The following AKAP6 variants were observed in gnomAD, a reference collection of about 807,000 sequenced individuals.
The protein encoded by AKAP6 is A-kinase anchor protein 6.
In AKAP6, 58 loss-of-function variants were observed where a neutral mutation model predicts 188.5. The ratio of observed to expected loss-of-function variants is 0.31; its 90% CI spans 0.25 to 0.38. The LOEUF (loss-of-function observed/expected upper bound fraction) is 0.38, where lower values mean the gene tolerates loss of function less well. Among genes scored for constraint, AKAP6 ranks in the 10% least tolerant of loss-of-function variants. The pLI, the probability that AKAP6 is intolerant of heterozygous loss-of-function variation, is 1.00. For synonymous variants in AKAP6, 989 were observed against 998.6 expected (o/e 0.99, Z 0.18); for missense variants, 2,710 against 2,740.0 (o/e 0.99, Z 0.24).
intron 9 of AKAP6, among the ~76,000 whole-genome samples, chr14:32,715,588 A>G (rs1303571627): frequency 2.0e-5 from 3 of 152,012 alleles, no homozygotes; most frequent in Non-Finnish European, 4.4e-5. Context: ...TAACTGGAAT[A>G]GAGATAGATG....
rs200800623 is a variant in AKAP6 at position 32,466,845 on chromosome 14, A to ATTTT, written c.324+33029_324+33032dup. ...AACAAGATTATATATATATATATAT[A>ATTTT]TTTTCTTTCTTAGCAAGACTAATTC... On this transcript the variant is annotated intron_variant, in intron 2 of 13. Coordinates refer to ENST00000280979, the MANE Select transcript of AKAP6 (RefSeq NM_004274.5). Among the ~76,000 whole-genome samples the ATTTT allele has an allele frequency of 1.5e-4, 21 of 144,222 alleles. 1 individual carries two copies. Among genetic ancestry groups the ATTTT allele is most frequent in the African/African-American group, 5.3e-4 (20 of 38,060 alleles). The allele number at this position is 144,222 out of a possible 152,430, so 94.6% of individuals were successfully genotyped here.
chr14:32,510,615 T>C (rs1360161530), intron 2 of AKAP6, among the ~76,000 whole-genome samples: 1 of 151,476 alleles, frequency 6.6e-6, no homozygotes, highest in African/African-American at 2.4e-5. Flanking sequence ...TTCTACCACT[T>C]ATATAGCCTA....
chr14:32,753,439 T>C (rs1022890509), intron 11 of AKAP6, among the ~76,000 whole-genome samples: 46 of 152,200 alleles, frequency 3.0e-4, no homozygotes, highest in African/African-American at 1.1e-3. Flanking sequence ...ATCAGATGTA[T>C]GGTTTGTAAA....
chr14:32,510,412 A>ATACATATATATATG (rs1881145407), intron 2 of AKAP6, among the ~76,000 whole-genome samples: 1 of 92,108 alleles, frequency 1.1e-5, no homozygotes, highest in Non-Finnish European at 2.1e-5. Context: ...ATGTATATAT[A>ATACATATATATATG]TGTATATATA....
chr14:32,452,479 C>T (rs951655100), intron 2 of AKAP6, among the ~76,000 whole-genome samples: 7 of 152,070 alleles, frequency 4.6e-5, no homozygotes, highest in Admixed American at 4.6e-4. Context: ...TTTGAGAATA[C>T]ATCTTTGTAT....
chr14:32,421,758 G>A (rs947055578), intron 1 of AKAP6, among the ~76,000 whole-genome samples: 1 of 152,184 alleles, frequency 6.6e-6, no homozygotes, highest in African/African-American at 2.4e-5. Flanking sequence ...TTGACTGAAT[G>A]TCACTGTAGG....
intron 2 of AKAP6, among the ~76,000 whole-genome samples, chr14:32,441,382 G>T (rs1231728083): frequency 6.6e-6 from 1 of 152,132 alleles, no homozygotes; most frequent in African/African-American, 2.4e-5. Context: ...ATGTTTGAAT[G>T]GCTAATTTTA....
At chr14:32,413,030 A>G (rs1327689647) in intron 1 of AKAP6, among the ~76,000 whole-genome samples, 1 of 152,208 alleles carries the variant, frequency 6.6e-6, no homozygotes, top group Admixed American at 6.5e-5. Context: ...GAGGCTATCC[A>G]GAGGTCCTTA....
chr14:32,376,656 A>C (rs1888165661), intron 1 of AKAP6, among the ~76,000 whole-genome samples: 1 of 152,220 alleles, frequency 6.6e-6, no homozygotes, highest in Non-Finnish European at 1.5e-5. Context: ...GTTATACTCA[A>C]ACCAGGCTTT....
At chr14:32,745,179 G>C (rs147078973) in intron 11 of AKAP6, among the ~76,000 whole-genome samples, 2 of 152,210 alleles carry the variant, frequency 1.3e-5, no homozygotes, top group African/African-American at 2.4e-5. Context: ...TTCGGTATCT[G>C]GGCATTGAAG....
intron 2 of AKAP6, among the ~76,000 whole-genome samples, chr14:32,532,035 A>T (rs1028769219): frequency 6.6e-6 from 1 of 152,160 alleles, no homozygotes; most frequent in East Asian, 1.9e-4. Flanking sequence ...TGGTAATTGT[A>T]TGCTTAATTT....
Position 32,487,060 on chromosome 14 carries a change from C to A in AKAP6, c.325-48494C>A, listed in dbSNP as rs181597361. 5.7e-4 allele frequency among the ~76,000 whole-genome samples: 86 copies of A among 152,170 alleles called. 1 individual carries two copies. The East Asian group carries it at 0.015, about 27-fold the overall frequency. ...GAATTTTATCCCAGGCCTTTTCTGC[C>A]TCTGTTGAGATAATCATGTGGTTTT... On this transcript the variant is annotated intron_variant, in intron 2 of 13. Coordinates refer to ENST00000280979, the MANE Select transcript of AKAP6 (RefSeq NM_004274.5).
chr14:32,789,188 T>C (rs2140047981), intron 12 of AKAP6, among the ~76,000 whole-genome samples: 1 of 152,216 alleles, frequency 6.6e-6, no homozygotes, highest in South Asian at 2.1e-4. Flanking sequence ...CTTTAGCCAC[T>C]CCAGCAAGGG....
At position 32,384,832 on chromosome 14, in the gene AKAP6, T is replaced by C. The variant is rs557315578; in HGVS notation, c.-34-48628T>C. 8.5e-5 allele frequency among the ~76,000 whole-genome samples: 13 copies of C among 152,214 alleles called. 1 individual carries two copies. In the South Asian group the frequency reaches 1.9e-3, roughly 22 times the overall value. On this transcript the variant is annotated intron_variant, in intron 1 of 13. Coordinates refer to ENST00000280979, the MANE Select transcript of AKAP6 (RefSeq NM_004274.5). ...AAATTCTGAAAACATTTTGTGCTCA[T>C]ATATGCAGGGGTGGGGAGAGATTAA...
intron 7 of AKAP6, among the ~76,000 whole-genome samples, chr14:32,642,301 C>T (rs1887791388): frequency 6.6e-6 from 1 of 152,192 alleles, no homozygotes; most frequent in Non-Finnish European, 1.5e-5. Flanking sequence ...CTATTTTCCA[C>T]TTGCATTCAA....
At chr14:32,600,291 C>T (rs563034157) in intron 6 of AKAP6, among the ~76,000 whole-genome samples, 1 of 152,310 alleles carries the variant, frequency 6.6e-6, no homozygotes, top group Admixed American at 6.5e-5. Context: ...CACAGATACA[C>T]ACAGAGCCTT....
Position 32,545,390 on chromosome 14 carries a change from G to T in AKAP6, c.737G>T (p.Ser246Ile), listed in dbSNP as rs1413635305. The T allele has an allele frequency of 6.2e-7, 1 of 1,614,044 alleles. No homozygotes were observed. The highest frequency in any genetic ancestry group is 8.5e-7 in the Non-Finnish European group (1 of 1,180,016). ...LLSGLGDMTS[S>I]QVKTKPFDSW... Reference sequence around the variant, plus strand: ...AGTGGGCTAGGTGACATGACCTCTAGCCAAGTCAAAACCAAACCCTTTGAC... The same window carrying T: ...AGTGGGCTAGGTGACATGACCTCTATCCAAGTCAAAACCAAACCCTTTGAC... Residue 246 changes from serine (S) to isoleucine (I), a missense_variant, in exon 4 of 14, where the codon AGC becomes ATC. Coordinates refer to ENST00000280979, the MANE Select transcript of AKAP6 (RefSeq NM_004274.5).
At chr14:32,476,394 C>T (rs1236203655) in intron 2 of AKAP6, among the ~76,000 whole-genome samples, 1 of 152,080 alleles carries the variant, frequency 6.6e-6, no homozygotes, top group Admixed American at 6.6e-5. Context: ...TTTGGAAGCC[C>T]CCAAAGTCAT....
At chr14:32,741,015 T>C in intron 11 of AKAP6, among the ~76,000 whole-genome samples, 1 of 141,820 alleles carries the variant, frequency 7.1e-6, no homozygotes, top group Non-Finnish European at 1.6e-5. Context: ...TCTTTCCTTT[T>C]TTCTTTTTTT....
Sources: gnomAD v4.1 joint callset for allele counts (sites outside exome capture counted in the v4.1 genomes callset) on GRCh38, gnomAD v4.1.1 for gene constraint, MANE v1.5 for transcripts, NCBI Gene and HGNC (gene_info 2026-07-23, HGNC 2026-07-21) for gene names.